Variants in CASR observed in about 807,000 individuals in gnomAD.
CASR encodes the protein calcium sensing receptor.
Under a neutral mutation model 69.1 loss-of-function variants are expected in CASR, and 23 were observed. The observed-to-expected ratio is 0.33, with a 90% CI of 0.24 to 0.47. CASR has a LOEUF of 0.47. Among genes scored for constraint, CASR ranks in the 20% least tolerant of loss-of-function variants. The pLI, the probability that CASR is intolerant of heterozygous loss-of-function variation, is 1.00. For synonymous variants in CASR, 541 were observed against 544.7 expected, an observed-to-expected ratio of 0.99 and a Z score of 0.10; for missense variants, 924 against 1,356.1, an observed-to-expected ratio of 0.68 and a Z score of 5.00.
Position 122,287,373 on chromosome 3 carries a change from G to A in CASR, c.*2182G>A, listed in dbSNP as rs573235770. On this transcript the variant is annotated 3_prime_UTR_variant, in exon 7 of 7. Coordinates refer to ENST00000639785, the MANE Select transcript of CASR (RefSeq NM_000388.4). ...ACAGAAACACTGTCCCAATTTATAC[G>A]TAGCAGGCACAACTCAGCACAAAAT... 8.5e-5 allele frequency: 13 copies of A among 152,326 alleles called. No homozygotes were observed. The highest frequency in any genetic ancestry group is 3.4e-3 in the Middle Eastern group (1 of 294). The allele number at this position is 152,326 out of a possible 1,614,324, so 9.4% of individuals were successfully genotyped here. A position where few individuals can be genotyped will look rare whatever the true frequency, so the allele number is the denominator to read the frequency against.
In CASR at chr3:122,257,256, G is replaced by GA; in HGVS notation, c.362dup (p.Asp121GlufsTer6). 6.2e-7 allele frequency: 1 copy of GA among 1,614,170 alleles called. No homozygotes were observed. Among genetic ancestry groups the GA allele is most frequent in the Non-Finnish European group, 8.5e-7 (1 of 1,180,026 alleles). ...GAGTTTTGTTGCTCAAAACAAAATT[G>GA]ATTCTTTGAACCTTGATGAGTTCTG... On this transcript the variant is annotated frameshift_variant, in exon 3 of 7. Coordinates refer to ENST00000639785, the MANE Select transcript of CASR (RefSeq NM_000388.4). LOFTEE classifies it high-confidence loss of function.
chr3:122,244,368 T>C (rs2074407026), intron 1 of CASR, among the ~76,000 whole-genome samples: 1 of 152,112 alleles, frequency 6.6e-6, no homozygotes, highest in African/African-American at 2.4e-5. Context: ...CACTGTTCAT[T>C]AAAACCCCAA....
At chr3:122,185,890 C>G (rs1026882659) in intron 1 of CASR, among the ~76,000 whole-genome samples, 1 of 152,116 alleles carries the variant, frequency 6.6e-6, no homozygotes, top group African/African-American at 2.4e-5. Flanking sequence ...GGCCAAGACC[C>G]TTGAGTAGAG....
intron 1 of CASR, among the ~76,000 whole-genome samples, chr3:122,201,751 C>T (rs1236703416): frequency 3.9e-5 from 6 of 151,930 alleles, no homozygotes; most frequent in South Asian, 2.1e-4. Flanking sequence ...GGGTGGCTGC[C>T]GGGCGGAGGG....
Position 122,284,677 on chromosome 3 carries a change from C to A in CASR, c.2723C>A (p.Ser908Tyr), listed in dbSNP as rs775846848. Reference protein sequence around the residue: ...RSSSLGGSTGSTPSSSISSKS... With the variant: ...RSSSLGGSTGYTPSSSISSKS... ...AGCAGCCTTGGAGGCTCCACGGGAT[C>A]CACCCCCTCCTCCTCCATCAGCAGC... Residue 908 changes from serine to tyrosine, a missense_variant, in exon 7 of 7, where the codon TCC becomes TAC. By Grantham distance (144) the Ser-to-Tyr change is moderately radical. Coordinates refer to ENST00000639785, the MANE Select transcript of CASR (RefSeq NM_000388.4). 1.2e-6 allele frequency: 2 copies of A among 1,613,490 alleles called. No individual in the cohort carries two copies. The highest frequency in any genetic ancestry group is 1.7e-6 in the Non-Finnish European group (2 of 1,179,502).
intron 1 of CASR, among the ~76,000 whole-genome samples, chr3:122,192,531 C>A (rs1410274720): frequency 6.6e-6 from 1 of 152,168 alleles, no homozygotes; most frequent in Non-Finnish European, 1.5e-5. Flanking sequence ...ACAGTTTTAC[C>A]TTTCTTGCAG....
At chr3:122,278,194 C>T (rs1006955241) in intron 5 of CASR, among the ~76,000 whole-genome samples, 1 of 22,870 alleles carries the variant, frequency 4.4e-5, no homozygotes, top group Non-Finnish European at 1.7e-4. Context: ...TATATAAATG[C>T]AAAGTATTAA....
chr3:122,261,459 C>T, intron 3 of CASR, 69 bp from the exon 4 acceptor site: 1 of 1,435,566 alleles, frequency 7.0e-7, no homozygotes, highest in Non-Finnish European at 9.8e-7. Context: ...TCCACAACAG[C>T]CTGGAGGCTC....
At chr3:122,260,882 C>T (rs146739357) in intron 3 of CASR, among the ~76,000 whole-genome samples, 1 of 152,070 alleles carries the variant, frequency 6.6e-6, no homozygotes, top group African/African-American at 2.4e-5. Flanking sequence ...TGCAATTAAG[C>T]TTAGTTTTTT....
chr3:122,255,095 C>T (rs183333787), intron 2 of CASR, among the ~76,000 whole-genome samples: 1 of 152,240 alleles, frequency 6.6e-6, no homozygotes, highest in East Asian at 1.9e-4. Context: ...TCATCATTTT[C>T]TCCATGATAT....
chr3:122,254,482 A>G, intron 2 of CASR, 108 bp downstream of exon 2: 1 of 1,097,854 alleles, frequency 9.1e-7, no homozygotes, highest in Non-Finnish European at 1.4e-6. Context: ...CTTTTCAAGA[A>G]TAGTGATTGA....
At chr3:122,202,752 A>G (rs958064595) in intron 1 of CASR, among the ~76,000 whole-genome samples, 10 of 152,174 alleles carry the variant, frequency 6.6e-5, no homozygotes, top group Admixed American at 5.9e-4. Flanking sequence ...TTATAAAGAC[A>G]TTCTCCTATA....
At chr3:122,260,897 A>G (rs2074613078) in intron 3 of CASR, among the ~76,000 whole-genome samples, 1 of 152,172 alleles carries the variant, frequency 6.6e-6, no homozygotes, top group African/African-American at 2.4e-5. Flanking sequence ...TTTTTTCTAA[A>G]GTACTGGGGT....
chr3:122,254,441 C>A, intron 2 of CASR, 67 bp downstream of exon 2: 3 of 1,486,390 alleles, frequency 2.0e-6, no homozygotes, highest in Non-Finnish European at 2.8e-6. Context: ...CTGCACCAAA[C>A]GCAAAATAAT....
At chr3:122,260,406 G>A (rs1233884861) in intron 3 of CASR, among the ~76,000 whole-genome samples, 5 of 152,224 alleles carry the variant, frequency 3.3e-5, no homozygotes, top group African/African-American at 1.2e-4. Flanking sequence ...GTCTTAGAGA[G>A]TGCAAACATG....
At chr3:122,260,064 TC>T (rs1373899062) in intron 3 of CASR, among the ~76,000 whole-genome samples, 2 of 152,126 alleles carry the variant, frequency 1.3e-5, no homozygotes, top group Non-Finnish European at 2.9e-5. Context: ...GAAAAAATGG[TC>T]CCATAACTTG....
Position 122,287,843 on chromosome 3 carries a change from T to G in CASR, c.*2652T>G, listed in dbSNP as rs1274856870. 1.3e-5 allele frequency: 2 copies of G among 152,288 alleles called. No individual in the cohort carries two copies. Among genetic ancestry groups the G allele is most frequent in the African/African-American group, 2.4e-5 (1 of 41,448 alleles). 9.4% of individuals were successfully genotyped at this position (152,288 alleles called of 1,614,324 possible). A position where few individuals can be genotyped will look rare whatever the true frequency, so the allele number is the denominator to read the frequency against. On this transcript the variant is annotated 3_prime_UTR_variant, in exon 7 of 7. Transcript: ENST00000639785. Reference sequence around the variant, plus strand: ...CCAGAAATCACTGGCAGCCTCACTTTCATGTCTACTTGACTGCTGTCTCCC... The same window carrying G: ...CCAGAAATCACTGGCAGCCTCACTTGCATGTCTACTTGACTGCTGTCTCCC...
Position 122,201,005 on chromosome 3 carries a change from A to AT in CASR, c.-243+17207dup, listed in dbSNP as rs869055799. Reference sequence around the variant, plus strand: ...TGCCCATTGCTTTTCTTTTTTTTTTATTTTTTTTTTTTTTATTGATCATTC... The same window carrying AT: ...TGCCCATTGCTTTTCTTTTTTTTTTATTTTTTTTTTTTTTTATTGATCATTC... On this transcript the variant is annotated intron_variant, in intron 1 of 6. Coordinates refer to ENST00000639785, the MANE Select transcript of CASR (RefSeq NM_000388.4). Among the ~76,000 whole-genome samples, 16 of 102,852 alleles carry AT rather than the reference A, an allele frequency of 1.6e-4. 1 individual carries two copies. The highest frequency in any genetic ancestry group is 6.2e-4 in the South Asian group (2 of 3,212). 67.5% of individuals were successfully genotyped at this position (102,852 alleles called of 152,430 possible).
intron 1 of CASR, among the ~76,000 whole-genome samples, chr3:122,250,139 G>A (rs2074468508): frequency 6.6e-6 from 1 of 152,144 alleles, no homozygotes; most frequent in African/African-American, 2.4e-5. Flanking sequence ...CTGGCCACAG[G>A]AGTGTGTAGG....
Sources: gnomAD v4.1 joint callset for allele counts (sites outside exome capture counted in the v4.1 genomes callset) on GRCh38, gnomAD v4.1.1 for gene constraint, MANE v1.5 for transcripts, NCBI Gene and HGNC (gene_info 2026-07-23, HGNC 2026-07-21) for gene names.